Variants in SLC30A7 observed in about 807,000 individuals in gnomAD.
SLC30A7 encodes zinc transporter 7.
SLC30A7 carries 35 observed loss-of-function variants against 46.0 expected under a neutral mutation model. That is an observed-to-expected ratio of 0.76 (90% CI 0.58 to 1.01). The LOEUF (loss-of-function observed/expected upper bound fraction) is 1.01, where lower values mean the gene tolerates loss of function less well. SLC30A7 is among the 50% of genes least tolerant of loss of function. The probability of loss-of-function intolerance (pLI) is 0.00; values close to 1 mark genes in which losing one functional copy is unlikely to be tolerated. For synonymous variants in SLC30A7, 147 were observed against 157.8 expected (o/e 0.93, Z 0.51); for missense variants, 464 against 451.1 (o/e 1.03, Z -0.26).
intron 8 of SLC30A7, among the ~76,000 whole-genome samples, chr1:100,926,277 G>A (rs188056825): frequency 6.6e-6 from 1 of 152,238 alleles, no homozygotes. Context: ...AGATATACCT[G>A]AGACTGGGTA....
At chr1:100,915,173 T>TTC in intron 6 of SLC30A7, among the ~76,000 whole-genome samples, 3 of 149,428 alleles carry the variant, frequency 2.0e-5, no homozygotes, top group Non-Finnish European at 4.4e-5. Flanking sequence ...CTTCTTTTCT[T>TTC]TTTTCTTTTC....
chr1:100,911,191 G>A lies in SLC30A7; in HGVS notation c.384+41G>A, dbSNP rs115164886. The A allele has an allele frequency of 5.4e-3, 7,192 of 1,336,020 alleles. 205 individuals are homozygous for A. In the African/African-American group the frequency reaches 0.074, roughly 14 times the overall value. The allele number at this position is 1,336,020 out of a possible 1,614,324, so 82.8% of individuals were successfully genotyped here. A position where few individuals can be genotyped will look rare whatever the true frequency, so the allele number is the denominator to read the frequency against. The stretch of plus-strand genomic sequence containing the variant: ...ATTAAAGTCAGTAAATTACATTTCT[G>A]TAATGAAAATGTTTATTAATTAAAG... On this transcript the variant is annotated intron_variant, in intron 4 of 10. Coordinates refer to ENST00000357650, the MANE Select transcript of SLC30A7 (RefSeq NM_133496.5).
In SLC30A7 at chr1:100,979,469, A is replaced by C. The variant is rs1166847453; in HGVS notation, c.*4612A>C. ...AAAAAAAAAAAAAAAGAAAAGGAGC[A>C]GGGAAGGACAGTTCTAGTTAAAGCC... On this transcript the variant is annotated 3_prime_UTR_variant, in exon 11 of 11. Coordinates refer to ENST00000357650, the MANE Select transcript of SLC30A7 (RefSeq NM_133496.5). 6 of 150,606 alleles carry C rather than the reference A, an allele frequency of 4.0e-5. No individual in the cohort carries two copies. The highest frequency in any genetic ancestry group is 1.5e-4 in the African/African-American group (6 of 41,196). The allele number at this position is 150,606 out of a possible 1,614,324, so 9.3% of individuals were successfully genotyped here.
the SLC30A7 span, among the ~76,000 whole-genome samples, chr1:100,994,495 C>T: frequency 6.6e-6 from 1 of 151,364 alleles, no homozygotes; most frequent in Non-Finnish European, 1.5e-5. Flanking sequence ...AGTAACTTGC[C>T]CAAGAGCACT....
chr1:100,972,673 T>C (rs1216880531), intron 10 of SLC30A7: 1 of 152,176 alleles, frequency 6.6e-6, no homozygotes, highest in Non-Finnish European at 1.5e-5. Flanking sequence ...TTTCCTCTTA[T>C]GGTTTGATAT....
chr1:100,948,013 C>G (rs1654744307), intron 8 of SLC30A7, among the ~76,000 whole-genome samples: 1 of 152,112 alleles, frequency 6.6e-6, no homozygotes, highest in Admixed American at 6.5e-5. Context: ...GTTTGCCAGT[C>G]TGTGTCTTTT....
Position 100,980,040 on chromosome 1 carries a change from T to G in SLC30A7, c.*5183T>G, listed in dbSNP as rs760144604. 6.6e-6 allele frequency: 1 copy of G among 152,144 alleles called. No homozygotes were observed. The highest frequency in any genetic ancestry group is 1.5e-5 in the Non-Finnish European group (1 of 67,980). The allele number at this position is 152,144 out of a possible 1,614,324, so 9.4% of individuals were successfully genotyped here. ...TATTTCCTACCTTTACCATTGATCT[T>G]AAACTGTGCAGGCTAAAAAGAGGAA... On this transcript the variant is annotated 3_prime_UTR_variant, in exon 11 of 11. Coordinates refer to ENST00000357650, the MANE Select transcript of SLC30A7 (RefSeq NM_133496.5).
chr1:100,920,032 T>C (rs1652841169), intron 7 of SLC30A7, among the ~76,000 whole-genome samples: 1 of 152,080 alleles, frequency 6.6e-6, no homozygotes, highest in East Asian at 1.9e-4. Flanking sequence ...AAACAGTTTA[T>C]GTAGTAAGAA....
At chr1:100,941,786 C>A in intron 8 of SLC30A7, 1 of 611,570 alleles carries the variant, frequency 1.6e-6, no homozygotes, top group Non-Finnish European at 3.1e-6. Flanking sequence ...GTGACAAACC[C>A]AAAGCCCCTG....
intron 2 of SLC30A7, among the ~76,000 whole-genome samples, chr1:100,904,102 A>G (rs1486964170): frequency 6.6e-6 from 1 of 152,076 alleles, no homozygotes; most frequent in Admixed American, 6.6e-5. Context: ...TATTGAAGTG[A>G]TGGCTAAATT....
chr1:100,969,286 C>T (rs1656024121), intron 10 of SLC30A7, among the ~76,000 whole-genome samples: 1 of 152,206 alleles, frequency 6.6e-6, no homozygotes. Flanking sequence ...GATAACCAGG[C>T]TAGCAGTAAT....
At chr1:100,922,320 A>G (rs1653001409) in intron 8 of SLC30A7, among the ~76,000 whole-genome samples, 1 of 152,088 alleles carries the variant, frequency 6.6e-6, no homozygotes, top group African/African-American at 2.4e-5. Context: ...TTTGTTACCT[A>G]GAGTTTGATG....
the SLC30A7 span, chr1:100,995,755 G>A: frequency 6.6e-6 from 1 of 152,258 alleles, no homozygotes; most frequent in African/African-American, 2.4e-5. Context: ...ACAAATATTT[G>A]ATTCGGTATA....
At chr1:100,919,218 T>A (rs1183293795) in intron 7 of SLC30A7, among the ~76,000 whole-genome samples, 1 of 152,162 alleles carries the variant, frequency 6.6e-6, no homozygotes, top group East Asian at 1.9e-4. Context: ...ATAGTAATTT[T>A]TTTTTGTTTT....
chr1:100,976,151 A>T lies in SLC30A7; in HGVS notation c.*1294A>T, dbSNP rs1656487305. 6.6e-6 allele frequency: 1 copy of T among 152,238 alleles called. No homozygotes were observed. The allele number at this position is 152,238 out of a possible 1,614,324, so 9.4% of individuals were successfully genotyped here. ...TCCAAATTTCTGTAATAGCTACTGT[A>T]TCTGTGATAAACTTTCCTATATCTT... is the stretch of plus-strand genomic sequence containing the variant. On this transcript the variant is annotated 3_prime_UTR_variant, in exon 11 of 11. Coordinates refer to ENST00000357650, the MANE Select transcript of SLC30A7 (RefSeq NM_133496.5).
chr1:100,987,963 C>G, the SLC30A7 span, among the ~76,000 whole-genome samples: 1 of 152,172 alleles, frequency 6.6e-6, no homozygotes, highest in African/African-American at 2.4e-5. Flanking sequence ...TCAAGCCCTT[C>G]TAACTTGTCA....
At chr1:100,990,337 G>A in the SLC30A7 span, 28 of 1,370,748 alleles carry the variant, frequency 2.0e-5, no homozygotes, top group Non-Finnish European at 2.9e-5. Flanking sequence ...AGACTTGGGT[G>A]GGGATACATC....
At chr1:100,982,349 C>T (rs772299443), downstream of SLC30A7, among the ~76,000 whole-genome samples, 2 of 152,198 alleles carry the variant, frequency 1.3e-5, no homozygotes, top group Non-Finnish European at 2.9e-5. Context: ...TTCCATAGCT[C>T]CTAGTAGTAT....
At chr1:100,992,687 TG>T in the SLC30A7 span, 2 of 1,614,012 alleles carry the variant, frequency 1.2e-6, no homozygotes, top group Non-Finnish European at 1.7e-6. Flanking sequence ...CAGAAGCTGC[TG>T]GGCTGCTTGG....
Sources: allele counts gnomAD v4.1 joint callset (sites outside exome capture counted in the v4.1 genomes callset), GRCh38; gene constraint gnomAD v4.1.1; transcripts MANE v1.5; gene names NCBI Gene and HGNC (gene_info 2026-07-23, HGNC 2026-07-21).